The following VIT variants were observed in gnomAD, a reference collection of about 807,000 sequenced individuals.
VIT encodes vitrin.
VIT carries 99 observed loss-of-function variants against 78.0 expected under a neutral mutation model. The ratio of observed to expected loss-of-function variants is 1.27; its 90% CI spans 1.08 to 1.50. The LOEUF (loss-of-function observed/expected upper bound fraction) is 1.50, where lower values mean the gene tolerates loss of function less well. VIT is among the 40% of genes most tolerant of loss of function. VIT has a pLI of 0.00. For missense variants in VIT, 1,126 were observed against 875.3 expected (o/e 1.29, Z -3.61); for synonymous variants, 374 against 334.3 (o/e 1.12, Z -1.29).
chr2:36,702,304 A>C (rs895355105), intron 1 of VIT, among the ~76,000 whole-genome samples: 1 of 152,124 alleles, frequency 6.6e-6, no homozygotes, highest in African/African-American at 2.4e-5. Context: ...CCATCCTCAC[A>C]TGCCTCAATT....
intron 9 of VIT, among the ~76,000 whole-genome samples, chr2:36,779,746 C>T (rs753580014): frequency 6.6e-5 from 10 of 152,194 alleles, no homozygotes; most frequent in African/African-American, 2.4e-5. Context: ...TTAGACCTGA[C>T]TGTATCTATG....
intron 4 of VIT, among the ~76,000 whole-genome samples, chr2:36,747,004 T>C (rs1027416498): frequency 5.3e-5 from 8 of 152,180 alleles, no homozygotes; most frequent in African/African-American, 1.9e-4. Flanking sequence ...GTTGTGTCTC[T>C]ATTTTCATTA....
intron 1 of VIT, among the ~76,000 whole-genome samples, chr2:36,697,747 C>T (rs868421735): frequency 5.9e-5 from 9 of 152,148 alleles, no homozygotes; most frequent in South Asian, 4.1e-4. Flanking sequence ...TCCAAACAAC[C>T]CACAGCATCT....
At chr2:36,779,231 T>C (rs1670247761) in intron 9 of VIT, among the ~76,000 whole-genome samples, 1 of 152,202 alleles carries the variant, frequency 6.6e-6, no homozygotes, top group Non-Finnish European at 1.5e-5. Flanking sequence ...GGGGTAGGCT[T>C]TGGAGCCTGC....
At chr2:36,777,496 G>A (rs1380211458) in intron 9 of VIT, among the ~76,000 whole-genome samples, 2 of 152,100 alleles carry the variant, frequency 1.3e-5, no homozygotes, top group South Asian at 2.1e-4. Flanking sequence ...TGCTGCCAGG[G>A]TAGTGTGCCA....
rs770609958 is a variant in VIT at position 36,808,928 on chromosome 2, A to T, written c.1846A>T (p.Thr616Ser). The stretch of plus-strand genomic sequence containing the variant: ...CAAGAGGAAGTTAATGATCCTCATC[A>T]CCGACGGGAGGTCCTACGACGACGT... The part of the protein sequence containing the change: ...PNKRKLMILI[T>S]DGRSYDDVRI... Residue 616 changes from threonine (T) to serine (S), a missense_variant, in exon 15 of 16, where the codon ACC becomes TCC. Physicochemically the swap from Thr to Ser is moderately conservative, Grantham distance 58. Transcript: ENST00000379242. 8.7e-6 allele frequency: 14 copies of T among 1,613,236 alleles called. No individual in the cohort carries two copies. Among genetic ancestry groups the T allele is most frequent in the Non-Finnish European group, 1.0e-5 (12 of 1,179,374 alleles).
At chr2:36,747,659 T>C (rs182283738) in intron 4 of VIT, among the ~76,000 whole-genome samples, 1 of 152,372 alleles carries the variant, frequency 6.6e-6, no homozygotes, top group East Asian at 1.9e-4. Context: ...ACGTGTGAGA[T>C]GGTCTCTTGA....
chr2:36,768,972 C>G (rs947792859), intron 7 of VIT, among the ~76,000 whole-genome samples: 1 of 152,142 alleles, frequency 6.6e-6, no homozygotes, highest in African/African-American at 2.4e-5. Context: ...AAGAATACCG[C>G]AAAAAGAATT....
chr2:36,771,977 G>A (rs879640727), intron 7 of VIT, among the ~76,000 whole-genome samples: 5 of 152,122 alleles, frequency 3.3e-5, no homozygotes, highest in Admixed American at 2.6e-4. Flanking sequence ...ACAGAAAAAG[G>A]GATACAACTC....
At chr2:36,705,772 G>A (rs557880308) in intron 1 of VIT, among the ~76,000 whole-genome samples, 5 of 152,290 alleles carry the variant, frequency 3.3e-5, no homozygotes, top group Admixed American at 6.5e-5. Context: ...TAAGCATAAC[G>A]TTCTCATAAA....
rs571985400 is a variant in VIT, at chr2:36,733,270, G to C, written c.118+3779G>C. Among the ~76,000 whole-genome samples, 44 of 152,204 alleles carry C rather than the reference G, an allele frequency of 2.9e-4. 1 individual carries two copies. Among genetic ancestry groups the C allele is most frequent in the African/African-American group, 9.1e-4 (38 of 41,542 alleles). On this transcript the variant is annotated intron_variant, in intron 3 of 15. Coordinates refer to ENST00000379242, the MANE Select transcript of VIT (RefSeq NM_053276.4). ...CTCCGGTTGGACTGCAGATGGAAAG[G>C]CCTCAGGAACCGGCACCCCTGCTTC...
At chr2:36,766,041 C>T (rs1013346233) in intron 6 of VIT, among the ~76,000 whole-genome samples, 23 of 152,302 alleles carry the variant, frequency 1.5e-4, no homozygotes, top group African/African-American at 5.5e-4. Flanking sequence ...TGTGTGTCTC[C>T]CTGAGAACTC....
At chr2:36,759,701 A>T in intron 6 of VIT, 1 of 982,610 alleles carries the variant, frequency 1.0e-6, no homozygotes, top group Non-Finnish European at 1.2e-6. Flanking sequence ...TTGCTTCCAG[A>T]AACTTGATAG....
At chr2:36,770,742 T>A (rs971065163) in intron 7 of VIT, among the ~76,000 whole-genome samples, 1 of 152,202 alleles carries the variant, frequency 6.6e-6, no homozygotes. Flanking sequence ...TCTGGGTGAA[T>A]CTACCACAGG....
At chr2:36,762,462 A>T (rs901219476) in intron 6 of VIT, among the ~76,000 whole-genome samples, 2 of 152,156 alleles carry the variant, frequency 1.3e-5, no homozygotes, top group African/African-American at 4.8e-5. Context: ...CCCTGAGCTA[A>T]ACTACCAGCA....
intron 2 of VIT, among the ~76,000 whole-genome samples, chr2:36,723,598 A>G (rs1254642960): frequency 6.6e-6 from 1 of 152,236 alleles, no homozygotes; most frequent in Non-Finnish European, 1.5e-5. Context: ...TATTTTCTCT[A>G]TGCATTAAAC....
chr2:36,706,835 T>C (rs1665457895), intron 1 of VIT, among the ~76,000 whole-genome samples: 1 of 152,196 alleles, frequency 6.6e-6, no homozygotes, highest in Non-Finnish European at 1.5e-5. Context: ...TATTTTATTA[T>C]AGCATTATAG....
rs1666915504 is a variant in VIT, at chr2:36,808,609, T to A, written c.1527T>A (p.Ala509=). 6.2e-7 allele frequency: 1 copy of A among 1,614,210 alleles called. No homozygotes were observed. Among genetic ancestry groups the A allele is most frequent in the Non-Finnish European group, 8.5e-7 (1 of 1,180,040 alleles). ...GCAGCAAGACCTGCTTGAACTCGGCTGACATTGGCTTCGTCATCGACGGCT... is the reference window on the plus strand; with the variant it reads ...GCAGCAAGACCTGCTTGAACTCGGCAGACATTGGCTTCGTCATCGACGGCT... ...LACSKTCLNS[A]DIGFVIDGSS... The change falls in exon 15 of 16, where the codon GCT becomes GCA. Residue 509 remains alanine (A), a synonymous_variant. Transcript: ENST00000379242.
At chr2:36,802,455 T>C (rs1258556727) in intron 13 of VIT, among the ~76,000 whole-genome samples, 1 of 152,158 alleles carries the variant, frequency 6.6e-6, no homozygotes, top group Non-Finnish European at 1.5e-5. Flanking sequence ...TTACAGTAAA[T>C]CCGATTAAAG....
Sources: allele counts gnomAD v4.1 joint callset (sites outside exome capture counted in the v4.1 genomes callset), GRCh38; gene constraint gnomAD v4.1.1; transcripts MANE v1.5; gene names NCBI Gene and HGNC (gene_info 2026-07-23, HGNC 2026-07-21).